The following TFPI variants were observed in gnomAD, a reference collection of about 807,000 sequenced individuals.
TFPI encodes anti-convertin.
A neutral mutation model predicts 34.6 loss-of-function variants in TFPI; 15 were observed. The ratio of observed to expected loss-of-function variants is 0.43; its 90% CI spans 0.29 to 0.67. TFPI has a LOEUF of 0.67. Among genes scored for constraint, TFPI ranks in the 30% least tolerant of loss-of-function variants. TFPI has a pLI of 0.15. For synonymous variants in TFPI, 105 were observed against 120.1 expected (o/e 0.87, Z 0.82); for missense variants, 301 against 364.0 (o/e 0.83, Z 1.41).
Position 187,492,997 on chromosome 2 carries a change from T to C in TFPI, c.319+3884A>G, listed in dbSNP as rs80112053. Among the ~76,000 whole-genome samples, 9 of 152,192 alleles carry C rather than the reference T, an allele frequency of 5.9e-5. No homozygotes were observed. The East Asian group carries it at 1.7e-3, about 30-fold the overall frequency. ...ATCTACCATTCTGTGGCCTGGAGTATGGTGGCTTTCTTCTCACAGCTCCAC... is the reference window on the plus strand; with the variant it reads ...ATCTACCATTCTGTGGCCTGGAGTACGGTGGCTTTCTTCTCACAGCTCCAC... On this transcript the variant is annotated intron_variant, in intron 3 of 7. Transcript: ENST00000233156.
chr2:187,515,975 G>A (rs1686979169), intron 1 of TFPI: 1 of 152,030 alleles, frequency 6.6e-6, no homozygotes, highest in African/African-American at 2.4e-5. Flanking sequence ...GTGGCCCCCT[G>A]AAAAAAATCA....
At chr2:187,538,171 A>G (rs750556864) in intron 1 of TFPI, among the ~76,000 whole-genome samples, 10 of 152,166 alleles carry the variant, frequency 6.6e-5, no homozygotes, top group Non-Finnish European at 1.5e-4. Context: ...GTGGAAGACA[A>G]TGTGGTGATT....
chr2:187,538,603 G>A (rs565038460), intron 1 of TFPI, among the ~76,000 whole-genome samples: 2 of 152,246 alleles, frequency 1.3e-5, no homozygotes, highest in Non-Finnish European at 2.9e-5. Flanking sequence ...TGGGACTAGG[G>A]GAGGGATAGC....
At chr2:187,509,601 A>G (rs2106151410) in intron 1 of TFPI, among the ~76,000 whole-genome samples, 1 of 152,272 alleles carries the variant, frequency 6.6e-6, no homozygotes, top group South Asian at 2.1e-4. Flanking sequence ...TGTTTATAGT[A>G]TTCTCTGATG....
chr2:187,532,450 C>T (rs1006606619), intron 1 of TFPI, among the ~76,000 whole-genome samples: 23 of 152,198 alleles, frequency 1.5e-4, no homozygotes, highest in African/African-American at 5.3e-4. Flanking sequence ...CAGGGTGCTG[C>T]GTTGCCTCAC....
In TFPI at chr2:187,483,321, G is replaced by A. The variant is rs539331626; in HGVS notation, c.628+803C>T. On this transcript the variant is annotated intron_variant, in intron 6 of 7. Transcript: ENST00000233156. ...ATAGTTACAGAATTCTTCACACTCAGGCTAAGTTTATATATAAACATGCCA... is the reference window on the plus strand; with the variant it reads ...ATAGTTACAGAATTCTTCACACTCAAGCTAAGTTTATATATAAACATGCCA... 2.6e-5 allele frequency among the ~76,000 whole-genome samples: 4 copies of A among 151,820 alleles called. No individual in the cohort carries two copies. The Admixed American group carries it at 2.6e-4, about 10-fold the overall frequency.
chr2:187,503,278 T>C (rs1685970143), intron 2 of TFPI, among the ~76,000 whole-genome samples: 1 of 152,038 alleles, frequency 6.6e-6, no homozygotes, highest in South Asian at 2.1e-4. Context: ...TTCCCTTTCC[T>C]CCTCACACTT....
chr2:187,518,814 G>A (rs969899397), intron 1 of TFPI: 2 of 152,054 alleles, frequency 1.3e-5, no homozygotes, highest in African/African-American at 4.8e-5. Flanking sequence ...ATAGTCTCAT[G>A]TTTCTTAGAG....
intron 1 of TFPI, among the ~76,000 whole-genome samples, chr2:187,534,877 A>C (rs1688157905): frequency 6.6e-6 from 1 of 151,218 alleles, no homozygotes; most frequent in Admixed American, 6.6e-5. Context: ...AGGAATATTG[A>C]CCAAGCAAAT....
chr2:187,484,418 G>A (rs8176612), intron 5 of TFPI: 23,010 of 555,404 alleles, frequency 0.041, 647 homozygotes, highest in Middle Eastern at 0.068. Context: ...TCAAAAAAGC[G>A]TAGCAGTTAA....
intron 1 of TFPI, chr2:187,519,422 G>A (rs1222818169): frequency 6.5e-6 from 1 of 152,926 alleles, no homozygotes; most frequent in Non-Finnish European, 1.5e-5. Context: ...AGGTCTGCTG[G>A]AGTTTGCCTG....
chr2:187,534,927 G>A (rs1334256003), intron 1 of TFPI, among the ~76,000 whole-genome samples: 2 of 151,824 alleles, frequency 1.3e-5, no homozygotes, highest in African/African-American at 4.8e-5. Flanking sequence ...AAAAAATCAG[G>A]GGTTGCAATG....
At chr2:187,511,465 G>T (rs756381602) in intron 1 of TFPI, among the ~76,000 whole-genome samples, 7 of 152,084 alleles carry the variant, frequency 4.6e-5, no homozygotes, top group Non-Finnish European at 5.9e-5. Context: ...GTGTGCATGT[G>T]GTGTTTTGTC....
intron 6 of TFPI, among the ~76,000 whole-genome samples, chr2:187,471,076 A>G (rs554975830): frequency 6.6e-6 from 1 of 152,344 alleles, no homozygotes; most frequent in South Asian, 2.1e-4. Flanking sequence ...ATCACTAAGG[A>G]TATTGTATTA....
At chr2:187,538,371 G>T (rs1482841079) in intron 1 of TFPI, among the ~76,000 whole-genome samples, 2 of 152,204 alleles carry the variant, frequency 1.3e-5, no homozygotes, top group East Asian at 3.8e-4. Flanking sequence ...TAAAGAAAAT[G>T]TGGCACATAT....
intron 1 of TFPI, among the ~76,000 whole-genome samples, chr2:187,539,050 A>T (rs1341366229): frequency 7.1e-6 from 1 of 141,058 alleles, no homozygotes. Context: ...TGAGCATATG[A>T]AAGTGTTTAT....
chr2:187,512,852 A>G (rs1686741620), intron 1 of TFPI, among the ~76,000 whole-genome samples: 1 of 152,156 alleles, frequency 6.6e-6, no homozygotes, highest in Admixed American at 6.5e-5. Flanking sequence ...CTGGTTGTTT[A>G]AAGAAAGAAA....
Position 187,484,215 on chromosome 2 carries a change from C to T in TFPI, c.537G>A (p.Pro179=), listed in dbSNP as rs1179668984. The change falls in exon 6 of 8, where the codon CCG becomes CCA. Residue 179 remains proline (P), a splice_region_variant and synonymous_variant. Transcript: ENST00000233156. Reference sequence around the variant, plus strand: ...CATAATTATCCACCTGGAAACCATTCGCTGGAAAAAAATACAGCCAATTAA... The same window carrying T: ...CATAATTATCCACCTGGAAACCATTTGCTGGAAAAAAATACAGCCAATTAA... ...EECKNICEDG[P]NGFQVDNYGT... is the part of the protein sequence containing the mutation. 2 of 1,608,350 alleles carry T rather than the reference C, an allele frequency of 1.2e-6. No individual in the cohort carries two copies.
At chr2:187,467,965 A>G (rs8176592) in intron 6 of TFPI, 33 bp from the exon 7 acceptor site, 455,131 of 1,511,534 alleles carry the variant, frequency 0.3, 69,989 homozygotes, top group African/African-American at 0.41. Flanking sequence ...GGTAAGCCAT[A>G]TGTGATAGTG....
Sources: gnomAD v4.1 joint callset for allele counts (sites outside exome capture counted in the v4.1 genomes callset) on GRCh38, gnomAD v4.1.1 for gene constraint, MANE v1.5 for transcripts, NCBI Gene and HGNC (gene_info 2026-07-23, HGNC 2026-07-21) for gene names.